F8: variants seen among roughly 807,000 people sequenced by gnomAD.
F8 encodes antihemophilic factor.
In F8, 12 loss-of-function variants were observed where a neutral mutation model predicts 140.6. The ratio of observed to expected loss-of-function variants is 0.09; its 90% CI spans 0.05 to 0.14. The LOEUF (loss-of-function observed/expected upper bound fraction) is 0.14. Ranked by LOEUF, F8 falls within the 10% of genes least tolerant of loss-of-function variation. The pLI is 1.00. For missense variants in F8, 1,354 were observed against 1,720.7 expected (o/e 0.79, Z 3.77); for synonymous variants, 585 against 614.6 (o/e 0.95, Z 0.71).
At chrX:154,862,553 C>G (rs2072701278) in intron 23 of F8, among the ~76,000 whole-genome samples, 1 of 110,917 alleles carries the variant, frequency 9.0e-6, no homozygotes. Context: ...CCACACCCCC[C>G]TCCCAACCTC....
Position 154,999,587 on chromosome X carries a change from C to G in F8, c.157G>C (p.Val53Leu), listed in dbSNP as rs1476526439. ...GTGTTGAATGGAAAAGATTTTGGCA[C>G]TCTAGGAGGAAATCTGCGTGAAGAA... is the stretch of plus-strand genomic sequence containing the variant. ...LPVDARFPPRVPKSFPFNTSV... is the reference protein window; with the variant it reads ...LPVDARFPPRLPKSFPFNTSV... The change falls in exon 2 of 26, where the codon GTG (valine) becomes CTG (leucine). Residue 53 changes from valine to leucine, a missense_variant. Val to Leu is a conservative substitution (Grantham distance 32, BLOSUM62 1). This residue lies in a region of F8 where 128 missense variants were observed against 230.4 expected (regional missense o/e 0.56). Coordinates refer to ENST00000360256, the MANE Select transcript of F8 (RefSeq NM_000132.4). The G allele has an allele frequency of 8.3e-7, 1 of 1,205,148 alleles. No homozygotes were observed. Among genetic ancestry groups the G allele is most frequent in the Admixed American group, 2.2e-5 (1 of 45,597 alleles).
In F8 at chrX:154,929,539, A is replaced by G. The variant is rs1355189434; in HGVS notation, c.4251T>C (p.Ser1417=). ...LPIAKVSSFP[S]IRPIYLTRVL... is the part of the protein sequence containing the mutation. Reference sequence around the variant, plus strand: ...CCCTGGTCAGATATATAGGTCTAATAGATGGAAATGATGATACCTTTGCAA... The same window carrying G: ...CCCTGGTCAGATATATAGGTCTAATGGATGGAAATGATGATACCTTTGCAA... Residue 1417 remains serine, a synonymous_variant, in exon 14 of 26, where the codon TCT becomes TCC. Coordinates refer to ENST00000360256, the MANE Select transcript of F8 (RefSeq NM_000132.4). 3.3e-6 allele frequency: 4 copies of G among 1,209,115 alleles called. No individual in the cohort carries two copies. Among genetic ancestry groups the G allele is most frequent in the Non-Finnish European group, 4.5e-6 (4 of 894,431 alleles).
At chrX:154,906,299 G>A in intron 15 of F8, 121 bp downstream of exon 15, 1 of 602,401 alleles carries the variant, frequency 1.7e-6, no homozygotes, top group South Asian at 3.9e-5. Flanking sequence ...CGTACACAAA[G>A]ATAATTATGG....
intron 7 of F8, among the ~76,000 whole-genome samples, chrX:154,967,793 T>C (rs2073433333): frequency 8.9e-6 from 1 of 112,072 alleles, no homozygotes; most frequent in South Asian, 3.7e-4. Context: ...CAACTTCCTG[T>C]TACTCATTCA....
At chrX:154,911,854 C>T (rs1295289585) in intron 14 of F8, among the ~76,000 whole-genome samples, 1 of 112,164 alleles carries the variant, frequency 8.9e-6, no homozygotes, top group Non-Finnish European at 1.9e-5. Context: ...TTGCCACATC[C>T]TCATCAGCAT....
At position 154,921,805 on chromosome X, in the gene F8, C is replaced by T. The variant is rs782674123; in HGVS notation, c.5219+6766G>A. 2.8e-5 allele frequency among the ~76,000 whole-genome samples: 3 copies of T among 107,159 alleles called. No individual in the cohort carries two copies. In the South Asian group the frequency reaches 1.3e-3, roughly 46 times the overall value. 93.1% of individuals were successfully genotyped at this position (107,159 alleles called of 115,157 possible). On this transcript the variant is annotated intron_variant, in intron 14 of 25. Transcript: ENST00000360256. ...CAAAAAACCAAACACTGTATGTTCT[C>T]ACTCATAGGTGGGAATTGAACAATG...
intron 22 of F8, among the ~76,000 whole-genome samples, chrX:154,879,717 G>A (rs917031529): frequency 3.6e-5 from 4 of 111,764 alleles, no homozygotes; most frequent in African/African-American, 6.5e-5. Flanking sequence ...TGTAATCCCC[G>A]TGTGTCAGAG....
At position 154,901,497 on chromosome X, in the gene F8, C is replaced by G; in HGVS notation, c.6116-55G>C. 3.7e-6 allele frequency: 3 copies of G among 800,107 alleles called. No homozygotes were observed. The South Asian group carries it at 6.1e-5, about 16-fold the overall frequency. The allele number at this position is 800,107 out of a possible 1,213,427, so 65.9% of individuals were successfully genotyped here. ...TAGAAGTGCACAAAATTCAGCTTCT[C>G]AAATGTAAGTCAATGAAAATGGGAG... is the stretch of plus-strand genomic sequence containing the variant. On this transcript the variant is annotated intron_variant, in intron 19 of 25. Coordinates refer to ENST00000360256, the MANE Select transcript of F8 (RefSeq NM_000132.4).
intron 22 of F8, among the ~76,000 whole-genome samples, chrX:154,863,815 C>A (rs2072712334): frequency 9.0e-6 from 1 of 111,241 alleles, no homozygotes; most frequent in Admixed American, 9.5e-5. Flanking sequence ...GTTGTGGACC[C>A]AGAAGCAGCC....
intron 4 of F8, 105 bp downstream of exon 4, chrX:154,992,831 G>A (rs782588532): frequency 1.3e-6 from 1 of 758,798 alleles, no homozygotes; most frequent in Non-Finnish European, 2.0e-6. Flanking sequence ...GAGTAAAAAA[G>A]CCTCTTTCAG....
chrX:154,920,775 C>G (rs782227255), intron 14 of F8, among the ~76,000 whole-genome samples: 2 of 111,956 alleles, frequency 1.8e-5, no homozygotes, highest in South Asian at 3.7e-4. Context: ...TTTGATGTGA[C>G]AGTTTACATA....
At chrX:154,948,995 A>G (rs1171984328) in intron 12 of F8, among the ~76,000 whole-genome samples, 2 of 112,131 alleles carry the variant, frequency 1.8e-5, no homozygotes, top group Non-Finnish European at 3.8e-5. Context: ...GAAACTTAAT[A>G]TATAATAAAG....
chrX:155,015,138 T>G (rs2073727756), intron 1 of F8, among the ~76,000 whole-genome samples: 1 of 112,073 alleles, frequency 8.9e-6, no homozygotes, highest in African/African-American at 3.2e-5. Flanking sequence ...TTTAATTTTC[T>G]ACAAAGGCAC....
chrX:154,979,016 G>A (rs1232665542), intron 6 of F8, among the ~76,000 whole-genome samples: 1 of 111,177 alleles, frequency 9.0e-6, no homozygotes, highest in African/African-American at 3.3e-5. Context: ...TACCATGGTG[G>A]CATATGATTG....
intron 22 of F8, among the ~76,000 whole-genome samples, chrX:154,894,570 T>C (rs2072969106): frequency 9.1e-6 from 1 of 110,216 alleles, no homozygotes; most frequent in South Asian, 4.0e-4. Context: ...AATACAAAAA[T>C]TAGCTGGGTG....
At chrX:155,002,066 C>T (rs2073649325) in intron 1 of F8, among the ~76,000 whole-genome samples, 1 of 112,552 alleles carries the variant, frequency 8.9e-6, no homozygotes, top group Non-Finnish European at 1.9e-5. Context: ...ACTCTAAGTA[C>T]CCAATATAAG....
chrX:154,897,431 C>A (rs2072987949), intron 21 of F8: 1 of 112,550 alleles, frequency 8.9e-6, no homozygotes, highest in African/African-American at 3.2e-5. Context: ...AGAAAGAAAG[C>A]CCTGCCCTCA....
intron 22 of F8, among the ~76,000 whole-genome samples, chrX:154,869,844 TA>T (rs201800944): frequency 0.099 from 11,023 of 110,814 alleles, 551 homozygotes; most frequent in South Asian, 0.35. Flanking sequence ...ATAGATGCAA[TA>T]AAAAATGATA....
chrX:154,910,270 A>G (rs1557276640), intron 14 of F8, among the ~76,000 whole-genome samples: 1 of 111,288 alleles, frequency 9.0e-6, no homozygotes, highest in Non-Finnish European at 1.9e-5. Context: ...TGTCCTTTGC[A>G]GGGACATGGA....
Sources: allele counts gnomAD v4.1 joint callset (sites outside exome capture counted in the v4.1 genomes callset), GRCh38; gene constraint gnomAD v4.1.1; regional missense constraint gnomAD v4.1.1; transcripts MANE v1.5; gene names NCBI Gene and HGNC (gene_info 2026-07-23, HGNC 2026-07-21).